The following FAM227B variants were observed in gnomAD, a reference collection of about 807,000 sequenced individuals.
FAM227B encodes protein FAM227B.
A neutral mutation model predicts 73.8 loss-of-function variants in FAM227B; 88 were observed. The observed-to-expected ratio is 1.19, with a 90% CI of 1.00 to 1.42. The LOEUF is 1.42. FAM227B is among the 40% of genes most tolerant of loss of function. The pLI is 0.00. For missense variants in FAM227B, 632 were observed against 590.9 expected, an observed-to-expected ratio of 1.07 and a Z score of -0.72; for synonymous variants, 210 against 190.5, an observed-to-expected ratio of 1.10 and a Z score of -0.84.
intron 9 of FAM227B, among the ~76,000 whole-genome samples, chr15:49,551,713 G>A (rs755247316): frequency 1.3e-5 from 2 of 152,148 alleles, no homozygotes; most frequent in Non-Finnish European, 2.9e-5. Flanking sequence ...ATTTTTCTCT[G>A]GTGACATGCT....
chr15:49,530,279 CT>C (rs1270694953), intron 10 of FAM227B, among the ~76,000 whole-genome samples: 3 of 115,540 alleles, frequency 2.6e-5, no homozygotes, highest in African/African-American at 9.0e-5. Flanking sequence ...GGAATGTTTA[CT>C]TTAGGCCACT....
intron 10 of FAM227B, among the ~76,000 whole-genome samples, chr15:49,523,257 C>T (rs2059915617): frequency 6.6e-6 from 1 of 152,068 alleles, no homozygotes; most frequent in Non-Finnish European, 1.5e-5. Flanking sequence ...TCTTCAATGC[C>T]CACATGTTGC....
intron 10 of FAM227B, among the ~76,000 whole-genome samples, chr15:49,509,146 G>A (rs1163204435): frequency 6.6e-6 from 1 of 152,198 alleles, no homozygotes; most frequent in Non-Finnish European, 1.5e-5. Flanking sequence ...ACCTAGTCCT[G>A]GGATGATTTG....
intron 1 of FAM227B, among the ~76,000 whole-genome samples, chr15:49,618,605 C>T (rs1039955245): frequency 1.1e-4 from 17 of 152,160 alleles, no homozygotes; most frequent in African/African-American, 4.1e-4. Flanking sequence ...TATGATATCA[C>T]TATTGACAGG....
intron 11 of FAM227B, among the ~76,000 whole-genome samples, chr15:49,505,993 T>C (rs971352272): frequency 6.6e-6 from 1 of 151,604 alleles, no homozygotes; most frequent in Non-Finnish European, 1.5e-5. Context: ...TATATTAAGA[T>C]TAAACAAAAT....
At chr15:49,475,737 C>T (rs963986752) in intron 11 of FAM227B, among the ~76,000 whole-genome samples, 4 of 152,088 alleles carry the variant, frequency 2.6e-5, no homozygotes, top group Middle Eastern at 6.3e-3. Context: ...CTTGTAATCC[C>T]AACCCTTTGG....
chr15:49,526,352 T>G (rs1423876246), intron 10 of FAM227B, among the ~76,000 whole-genome samples: 3 of 152,000 alleles, frequency 2.0e-5, no homozygotes, highest in African/African-American at 7.2e-5. Flanking sequence ...TTGAAATCAA[T>G]GAAGCAGACA....
At chr15:49,469,052 G>A (rs1355931925) in intron 11 of FAM227B, among the ~76,000 whole-genome samples, 1 of 152,074 alleles carries the variant, frequency 6.6e-6, no homozygotes, top group Non-Finnish European at 1.5e-5. Context: ...ACATGATTTT[G>A]ACTTGGTTCA....
At chr15:49,479,901 A>G (rs2055766595) in intron 11 of FAM227B, among the ~76,000 whole-genome samples, 1 of 152,224 alleles carries the variant, frequency 6.6e-6, no homozygotes, top group Non-Finnish European at 1.5e-5. Context: ...GGCGTGAGCC[A>G]CTGCGCTCCG....
Position 49,334,619 on chromosome 15 carries a change from G to A in FAM227B, c.1349+800C>T, listed in dbSNP as rs570129781. Among the ~76,000 whole-genome samples the A allele has an allele frequency of 9.7e-4, 148 of 152,152 alleles. 6 individuals carry two copies. In the South Asian group the frequency reaches 0.028, roughly 29 times the overall value. ...TATGTGTGTGTGGACGTACACATGC[G>A]TCTGTGGGTGGGTGGGCAGGAGACG... On this transcript the variant is annotated intron_variant, in intron 14 of 15. Transcript: ENST00000299338.
At chr15:49,410,135 T>C (rs947463393) in intron 11 of FAM227B, among the ~76,000 whole-genome samples, 2 of 152,144 alleles carry the variant, frequency 1.3e-5, no homozygotes, top group Non-Finnish European at 2.9e-5. Flanking sequence ...AAGCACCCTA[T>C]TTATTTTTTG....
chr15:49,555,887 T>C (rs553263543), intron 9 of FAM227B, among the ~76,000 whole-genome samples: 27 of 152,354 alleles, frequency 1.8e-4, no homozygotes, highest in African/African-American at 6.5e-4. Context: ...GTTTTTCAGC[T>C]GTATCAGTGC....
intron 13 of FAM227B, among the ~76,000 whole-genome samples, chr15:49,337,293 AT>A (rs1441144784): frequency 6.6e-6 from 1 of 152,152 alleles, no homozygotes; most frequent in South Asian, 2.1e-4. Context: ...GGCTGAACTA[AT>A]TTACGTTCCC....
At chr15:49,582,271 T>A (rs1189152004) in intron 5 of FAM227B, among the ~76,000 whole-genome samples, 1 of 151,472 alleles carries the variant, frequency 6.6e-6, no homozygotes, top group Non-Finnish European at 1.5e-5. Flanking sequence ...AGGCTCAAAG[T>A]AAAGAAATGG....
rs576146959 is a variant in FAM227B at position 49,397,642 on chromosome 15, C to T, written c.1013-26243G>A. Among the ~76,000 whole-genome samples, 14 of 152,210 alleles carry T rather than the reference C, an allele frequency of 9.2e-5. No individual in the cohort carries two copies. In the South Asian group the frequency reaches 1.0e-3, roughly 11 times the overall value. ...AAAGGGAAGTCCATCAGACTAACAG[C>T]GGATCTCTTGGCAGAAACCCTACAA... is the stretch of plus-strand genomic sequence containing the variant. On this transcript the variant is annotated intron_variant, in intron 11 of 15. Transcript: ENST00000299338.
chr15:49,499,165 C>CAAAAAAAAAAA (rs11355557), intron 11 of FAM227B, among the ~76,000 whole-genome samples: 1 of 53,008 alleles, frequency 1.9e-5, no homozygotes, highest in Non-Finnish European at 3.3e-5. Context: ...GACTCCGTCT[C>CAAAAAAAAAAA]AAAAAAAAAA....
At chr15:49,353,619 T>C (rs2042584758) in intron 13 of FAM227B, 1 of 151,860 alleles carries the variant, frequency 6.6e-6, no homozygotes, top group African/African-American at 2.4e-5. Context: ...TAAGGGTTTT[T>C]TTTTTTTTTT....
At chr15:49,509,549 C>G (rs905618756) in intron 10 of FAM227B, among the ~76,000 whole-genome samples, 4 of 150,864 alleles carry the variant, frequency 2.7e-5, no homozygotes, top group Non-Finnish European at 4.4e-5. Flanking sequence ...GTGCCTGATC[C>G]CTAGTAAGCA....
At chr15:49,422,118 C>CAGAG (rs1432810961) in intron 11 of FAM227B, among the ~76,000 whole-genome samples, 1 of 79,134 alleles carries the variant, frequency 1.3e-5, no homozygotes, top group African/African-American at 7.4e-5. Flanking sequence ...GTGCATTTCA[C>CAGAG]ATAGAGAGAG....
Sources: gnomAD v4.1 joint callset for allele counts (sites outside exome capture counted in the v4.1 genomes callset) on GRCh38, gnomAD v4.1.1 for gene constraint, MANE v1.5 for transcripts, NCBI Gene and HGNC (gene_info 2026-07-23, HGNC 2026-07-21) for gene names.